ZNF385D: variants seen among roughly 807,000 people sequenced by gnomAD.
ZNF385D encodes zinc finger protein 659.
A neutral mutation model predicts 35.8 loss-of-function variants in ZNF385D; 15 were observed. The ratio of observed to expected loss-of-function variants is 0.42; its 90% CI spans 0.28 to 0.64. The LOEUF (loss-of-function observed/expected upper bound fraction) is 0.64. ZNF385D is among the 30% of genes least tolerant of loss of function. The pLI, the probability that ZNF385D is intolerant of heterozygous loss-of-function variation, is 0.23. For missense variants in ZNF385D, 474 were observed against 494.6 expected, an observed-to-expected ratio of 0.96 and a Z score of 0.39; for synonymous variants, 212 against 186.8, an observed-to-expected ratio of 1.13 and a Z score of -1.10.
At position 21,861,781 on chromosome 3, in the gene ZNF385D, A is replaced by T. The variant is rs565797245; in HGVS notation, c.326-196753T>A. On this transcript the variant is annotated intron_variant, in intron 3 of 5. Transcript: ENST00000494108. ...CTGCTTTGTCTTACCCAATCAGGGCAATTTCATCTCTCTCACTCAGTGTCT... is the reference window on the plus strand; with the variant it reads ...CTGCTTTGTCTTACCCAATCAGGGCTATTTCATCTCTCTCACTCAGTGTCT... Among the ~76,000 whole-genome samples the T allele has an allele frequency of 5.3e-5, 8 of 152,214 alleles. No individual in the cohort carries two copies. In the South Asian group the frequency reaches 1.7e-3, roughly 32 times the overall value.
chr3:22,190,203 A>G (rs1323292493), intron 2 of ZNF385D, among the ~76,000 whole-genome samples: 1 of 152,222 alleles, frequency 6.6e-6, no homozygotes, highest in African/African-American at 2.4e-5. Flanking sequence ...ATATTCAAAT[A>G]CAGTCAAAGT....
At chr3:21,889,350 G>A (rs1029274770) in intron 3 of ZNF385D, among the ~76,000 whole-genome samples, 4 of 152,122 alleles carry the variant, frequency 2.6e-5, no homozygotes, top group South Asian at 2.1e-4. Flanking sequence ...GAGGTGAGGC[G>A]CCAGACGACC....
intron 1 of ZNF385D, among the ~76,000 whole-genome samples, chr3:21,703,278 C>T (rs908535955): frequency 4.6e-5 from 7 of 152,154 alleles, no homozygotes; most frequent in African/African-American, 1.7e-4. Flanking sequence ...ATAAAACCAT[C>T]AGATCCATGA....
chr3:22,280,523 G>C (rs1450713884), intron 2 of ZNF385D, among the ~76,000 whole-genome samples: 2 of 151,856 alleles, frequency 1.3e-5, no homozygotes, highest in East Asian at 1.9e-4. Context: ...TGTTGAATAG[G>C]GTGTCCTTTC....
chr3:21,718,885 C>T (rs555769274), intron 1 of ZNF385D, among the ~76,000 whole-genome samples: 175 of 152,234 alleles, frequency 1.1e-3, no homozygotes, highest in Admixed American at 3.9e-3. Context: ...TTTTTCTTCA[C>T]TTAAAACTGT....
intron 2 of ZNF385D, among the ~76,000 whole-genome samples, chr3:22,323,138 G>A (rs552771885): frequency 6.6e-6 from 1 of 152,212 alleles, no homozygotes; most frequent in South Asian, 2.1e-4. Context: ...TGGTCTACCT[G>A]TATGGCCTCT....
At chr3:22,146,820 C>T (rs560940429) in intron 3 of ZNF385D, among the ~76,000 whole-genome samples, 1 of 152,122 alleles carries the variant, frequency 6.6e-6, no homozygotes, top group East Asian at 1.9e-4. Context: ...TTTGATGATA[C>T]TCTTATGAAA....
intron 3 of ZNF385D, among the ~76,000 whole-genome samples, chr3:21,882,836 A>G (rs1698350177): frequency 1.3e-5 from 2 of 152,014 alleles, no homozygotes; most frequent in African/African-American, 4.8e-5. Context: ...GAGCATAGCT[A>G]CTTGAGCACT....
chr3:22,359,817 C>T (rs1696332592), intron 2 of ZNF385D, among the ~76,000 whole-genome samples: 1 of 151,854 alleles, frequency 6.6e-6, no homozygotes, highest in African/African-American at 2.4e-5. Flanking sequence ...CATATATAAA[C>T]AAATGAATTT....
chr3:21,635,412 C>T (rs947014881), intron 2 of ZNF385D, among the ~76,000 whole-genome samples: 18 of 151,828 alleles, frequency 1.2e-4, no homozygotes, highest in Non-Finnish European at 2.6e-4. Flanking sequence ...CAATATTGTC[C>T]CCTTTATGTA....
At chr3:22,289,101 A>C (rs539723461) in intron 2 of ZNF385D, among the ~76,000 whole-genome samples, 1 of 152,170 alleles carries the variant, frequency 6.6e-6, no homozygotes, top group African/African-American at 2.4e-5. Context: ...AGCAGAAGAC[A>C]ATCTCTCACC....
At chr3:21,997,557 G>GAAAA (rs35859359) in intron 3 of ZNF385D, among the ~76,000 whole-genome samples, 1 of 145,174 alleles carries the variant, frequency 6.9e-6, no homozygotes, top group Non-Finnish European at 1.5e-5. Flanking sequence ...TATCTCTGCA[G>GAAAA]AAAAAAAAAA....
intron 3 of ZNF385D, among the ~76,000 whole-genome samples, chr3:22,006,969 A>T (rs1465111064): frequency 6.6e-6 from 1 of 152,096 alleles, no homozygotes; most frequent in East Asian, 1.9e-4. Flanking sequence ...TATAGACATC[A>T]AGGCCTTAGA....
At chr3:22,209,145 C>A (rs1393582790) in intron 2 of ZNF385D, among the ~76,000 whole-genome samples, 2 of 151,870 alleles carry the variant, frequency 1.3e-5, no homozygotes, top group African/African-American at 4.8e-5. Context: ...TCAAGGCACA[C>A]TGTGAACAAA....
intron 3 of ZNF385D, among the ~76,000 whole-genome samples, chr3:21,879,920 CTCTT>C (rs1698187673): frequency 6.6e-6 from 1 of 151,950 alleles, no homozygotes; most frequent in Non-Finnish European, 1.5e-5. Flanking sequence ...GGGGAACAAA[CTCTT>C]CTTTCATGTA....
intron 3 of ZNF385D, chr3:21,563,259 T>C (rs949109532): frequency 3.9e-5 from 6 of 152,440 alleles, no homozygotes; most frequent in Non-Finnish European, 7.3e-5. Flanking sequence ...AGCAGGCCCT[T>C]ACCAGACAGT....
chr3:21,980,722 C>T (rs559288324), intron 3 of ZNF385D, among the ~76,000 whole-genome samples: 170 of 152,270 alleles, frequency 1.1e-3, no homozygotes, highest in African/African-American at 3.9e-3. Flanking sequence ...CCTCTTTCTT[C>T]CAACCTCAAC....
intron 3 of ZNF385D, among the ~76,000 whole-genome samples, chr3:21,972,516 T>A (rs1474323835): frequency 6.6e-6 from 1 of 151,890 alleles, no homozygotes; most frequent in African/African-American, 2.4e-5. Context: ...TATTGGTGTA[T>A]TTTAGAGAAG....
At chr3:22,348,321 T>C (rs1449890837) in intron 2 of ZNF385D, among the ~76,000 whole-genome samples, 3 of 151,838 alleles carry the variant, frequency 2.0e-5, no homozygotes, top group African/African-American at 7.3e-5. Context: ...GTTAGCGTGG[T>C]CCCTAATCCT....
Sources: gnomAD v4.1 joint callset for allele counts (sites outside exome capture counted in the v4.1 genomes callset) on GRCh38, gnomAD v4.1.1 for gene constraint, MANE v1.5 for transcripts, NCBI Gene and HGNC (gene_info 2026-07-23, HGNC 2026-07-21) for gene names.